Variants in VSNL1 observed in about 807,000 individuals in gnomAD.
VSNL1 encodes visinin like 1.
In VSNL1, 6 loss-of-function variants were observed where a neutral mutation model predicts 20.4. The ratio of observed to expected loss-of-function variants is 0.29; its 90% CI spans 0.16 to 0.58. VSNL1 has a LOEUF of 0.58. Ranked by LOEUF, VSNL1 falls within the 20% of genes least tolerant of loss-of-function variation. The pLI is 0.90. For synonymous variants in VSNL1, 93 were observed against 86.4 expected (o/e 1.08, Z -0.42); for missense variants, 100 against 234.5 (o/e 0.43, Z 3.75).
chr2:17,656,179 ATTGATT>A lies in VSNL1; in HGVS notation c.*788_*793del, dbSNP rs1374220209. 1.3e-5 allele frequency: 2 copies of A among 152,264 alleles called. No homozygotes were observed. The highest frequency in any genetic ancestry group is 6.5e-5 in the Admixed American group (1 of 15,286). The allele number at this position is 152,264 out of a possible 1,614,324, so 9.4% of individuals were successfully genotyped here. ...AAATGTCCCAAATAAATTTATAACA[ATTGATT>A]TTCCCCCTAATTCTTATTTTATAAT... On this transcript the variant is annotated 3_prime_UTR_variant, in exon 4 of 4. Transcript: ENST00000295156.
intron 2 of VSNL1, among the ~76,000 whole-genome samples, chr2:17,621,232 T>G (rs1369879928): frequency 6.6e-6 from 1 of 152,018 alleles, no homozygotes; most frequent in African/African-American, 2.4e-5. Flanking sequence ...TCTCTCTTTC[T>G]TTCTTTCCTT....
chr2:17,589,210 G>A (rs186951901), intron 1 of VSNL1, among the ~76,000 whole-genome samples: 29 of 152,286 alleles, frequency 1.9e-4, no homozygotes, highest in African/African-American at 6.0e-4. Flanking sequence ...CAGAGCCATG[G>A]AAGTGTGGAA....
intron 1 of VSNL1, among the ~76,000 whole-genome samples, chr2:17,591,310 G>T (rs575282121): frequency 1.3e-5 from 2 of 152,236 alleles, no homozygotes; most frequent in East Asian, 1.9e-4. Context: ...TGTGATGTTG[G>T]CCACACAACC....
At chr2:17,545,001 A>G (rs1159513929) in intron 1 of VSNL1, among the ~76,000 whole-genome samples, 1 of 152,184 alleles carries the variant, frequency 6.6e-6, no homozygotes, top group Non-Finnish European at 1.5e-5. Flanking sequence ...TAGTATCTTC[A>G]GGAAATTTTT....
In VSNL1 at chr2:17,655,078, G is replaced by A; in HGVS notation, c.379-119G>A. 9.9e-7 allele frequency: 1 copy of A among 1,005,880 alleles called. No individual in the cohort carries two copies. Among genetic ancestry groups the A allele is most frequent in the Non-Finnish European group, 1.5e-6 (1 of 677,740 alleles). 62.3% of individuals were successfully genotyped at this position (1,005,880 alleles called of 1,614,324 possible). A position where few individuals can be genotyped will look rare whatever the true frequency, so the allele number is the denominator to read the frequency against. Reference sequence around the variant, plus strand: ...GCACAAGGAGTGAAACTCCTCTGGGGAAAGGGAAGCTGAGGCTTGGAGGAT... The same window carrying A: ...GCACAAGGAGTGAAACTCCTCTGGGAAAAGGGAAGCTGAGGCTTGGAGGAT... On this transcript the variant is annotated intron_variant, in intron 3 of 3. Coordinates refer to ENST00000295156, the MANE Select transcript of VSNL1 (RefSeq NM_003385.5). This position sits in a 1 kb window ranked among gnomAD's most constrained non-coding sequence, Gnocchi z 5.2.
intron 1 of VSNL1, chr2:17,567,388 T>A (rs1313289233): frequency 2.3e-5 from 3 of 130,990 alleles, no homozygotes; most frequent in Admixed American, 1.9e-4. Context: ...AGAAGGAGTC[T>A]GCCTCTGTCG....
At chr2:17,590,055 A>G (rs986339031) in intron 1 of VSNL1, among the ~76,000 whole-genome samples, 3 of 152,296 alleles carry the variant, frequency 2.0e-5, no homozygotes, top group East Asian at 1.9e-4. Context: ...CATTAATTGT[A>G]TGCTCTTATA....
chr2:17,600,496 G>A (rs1406505764), intron 2 of VSNL1, among the ~76,000 whole-genome samples: 1 of 152,182 alleles, frequency 6.6e-6, no homozygotes, highest in African/African-American at 2.4e-5. Flanking sequence ...AAGAAAATGT[G>A]ACAGAGATGA....
At chr2:17,558,230 C>G (rs966661103) in intron 1 of VSNL1, among the ~76,000 whole-genome samples, 1 of 152,120 alleles carries the variant, frequency 6.6e-6, no homozygotes, top group Non-Finnish European at 1.5e-5. Flanking sequence ...AGCATAGTAT[C>G]ATGGAAAGAA....
chr2:17,610,094 A>AGC, intron 2 of VSNL1, among the ~76,000 whole-genome samples: 1 of 152,256 alleles, frequency 6.6e-6, no homozygotes, highest in Non-Finnish European at 1.5e-5. Context: ...CACATAGGGT[A>AGC]AGGGACAAAC....
chr2:17,584,072 G>A (rs546443986), intron 1 of VSNL1, among the ~76,000 whole-genome samples: 1 of 152,298 alleles, frequency 6.6e-6, no homozygotes, highest in Admixed American at 6.5e-5. Flanking sequence ...GAAAAATGGG[G>A]AGATTGGGGT....
At chr2:17,587,033 A>G (rs549526479) in intron 1 of VSNL1, among the ~76,000 whole-genome samples, 4 of 152,204 alleles carry the variant, frequency 2.6e-5, no homozygotes, top group Non-Finnish European at 5.9e-5. Context: ...GCCTCTTTCC[A>G]TACTTGCATT....
chr2:17,613,384 T>C (rs988729922), intron 2 of VSNL1, among the ~76,000 whole-genome samples: 54 of 152,336 alleles, frequency 3.5e-4, no homozygotes, highest in African/African-American at 1.3e-3. Context: ...TGATGAATTA[T>C]ACATGTACCT....
At chr2:17,549,441 A>G (rs890379385) in intron 1 of VSNL1, among the ~76,000 whole-genome samples, 1 of 152,228 alleles carries the variant, frequency 6.6e-6, no homozygotes, top group Non-Finnish European at 1.5e-5. Context: ...ATGTACTGTA[A>G]TAGATTGTTT....
chr2:17,635,168 A>G (rs1665723473), intron 2 of VSNL1, among the ~76,000 whole-genome samples: 1 of 152,184 alleles, frequency 6.6e-6, no homozygotes, highest in South Asian at 2.1e-4. Flanking sequence ...AGGGTCCGCC[A>G]GAGGGACTGG....
chr2:17,587,251 G>A lies in VSNL1; in HGVS notation c.-5-4819G>A, dbSNP rs534786902. ...ATTGCTAGATTACCTGGGAGGAGCT[G>A]GATATGCAGTTCTGTGTGCCTCTTC... is the stretch of plus-strand genomic sequence containing the variant. On this transcript the variant is annotated intron_variant, in intron 1 of 3. Transcript: ENST00000295156. 7.2e-5 allele frequency among the ~76,000 whole-genome samples: 11 copies of A among 151,942 alleles called. No homozygotes were observed. In the East Asian group the frequency reaches 1.7e-3, roughly 24 times the overall value.
intron 2 of VSNL1, among the ~76,000 whole-genome samples, chr2:17,642,662 T>G (rs1490295311): frequency 6.6e-6 from 1 of 152,194 alleles, no homozygotes; most frequent in South Asian, 2.1e-4. Flanking sequence ...GGATTTCTAC[T>G]GCCTCATTCT....
intron 1 of VSNL1, 113 bp from the exon 2 acceptor site, chr2:17,591,957 C>T (rs1026236075): frequency 8.3e-5 from 95 of 1,150,136 alleles, no homozygotes; most frequent in Admixed American, 2.1e-4. Flanking sequence ...ATGCATCAGC[C>T]ACACTGGAGG....
intron 1 of VSNL1, among the ~76,000 whole-genome samples, chr2:17,581,806 G>T (rs773452634): frequency 6.6e-6 from 1 of 152,124 alleles, no homozygotes; most frequent in Non-Finnish European, 1.5e-5. Context: ...GCTGTTAATG[G>T]GAGGGATTAC....
Sources: gnomAD v4.1 joint callset for allele counts (sites outside exome capture counted in the v4.1 genomes callset) on GRCh38, gnomAD v4.1.1 for gene constraint, Gnocchi (gnomAD v3.1) non-coding constraint, MANE v1.5 for transcripts, NCBI Gene and HGNC (gene_info 2026-07-23, HGNC 2026-07-21) for gene names.